Variants in CCDC138 observed in about 807,000 individuals in gnomAD.
The protein encoded by CCDC138 is coiled-coil domain containing 138, also known as coiled-coil domain-containing protein 138.
Under a neutral mutation model 82.3 loss-of-function variants are expected in CCDC138, and 66 were observed. The ratio of observed to expected loss-of-function variants is 0.80; its 90% CI spans 0.66 to 0.98. The LOEUF is 0.98. CCDC138 is among the 50% of genes least tolerant of loss of function. CCDC138 has a pLI of 0.00. For synonymous variants in CCDC138, 297 were observed against 265.4 expected (o/e 1.12, Z -1.16); for missense variants, 816 against 758.9 (o/e 1.08, Z -0.88).
intron 5 of CCDC138, among the ~76,000 whole-genome samples, chr2:108,796,097 G>A (rs1280529116): frequency 1.3e-5 from 2 of 152,128 alleles, no homozygotes; most frequent in African/African-American, 4.8e-5. Context: ...TGCCCAGGCT[G>A]GAGTGCAGTG....
intron 1 of CCDC138, among the ~76,000 whole-genome samples, chr2:108,787,615 A>G (rs570538939): frequency 2.0e-5 from 3 of 152,352 alleles, no homozygotes; most frequent in Non-Finnish European, 2.9e-5. Flanking sequence ...TTCCTAGTGC[A>G]GATCCGACCC....
intron 4 of CCDC138, among the ~76,000 whole-genome samples, chr2:108,793,194 A>G (rs902500010): frequency 2.5e-5 from 2 of 79,992 alleles, no homozygotes; most frequent in Non-Finnish European, 5.2e-5. Context: ...TGTCTCTACT[A>G]AAAAAAAAAA....
Position 108,788,955 on chromosome 2 carries a change from A to C in CCDC138, c.255A>C (p.Val85=). ...RTPLGSLFKH[V]NVNCLDDELD... is the part of the protein sequence containing the mutation. ...CATTGGGCAGCTTATTCAAGCACGT[A>C]AATGTGAATTGGTAAAGTACCCTGA... Residue 85 remains valine (V), a synonymous_variant, in exon 3 of 15, where the codon GTA becomes GTC. Transcript: ENST00000295124. The C allele has an allele frequency of 1.2e-6, 2 of 1,614,038 alleles. No individual in the cohort carries two copies. Among genetic ancestry groups the C allele is most frequent in the Non-Finnish European group, 1.7e-6 (2 of 1,179,958 alleles).
At chr2:108,851,298 G>A (rs1352649190) in intron 12 of CCDC138, among the ~76,000 whole-genome samples, 4 of 151,934 alleles carry the variant, frequency 2.6e-5, no homozygotes, top group African/African-American at 4.8e-5. Flanking sequence ...TTTGTTTTTT[G>A]TTGTTTGTTT....
chr2:108,793,524 G>A (rs994720957), intron 4 of CCDC138, among the ~76,000 whole-genome samples: 2 of 152,132 alleles, frequency 1.3e-5, no homozygotes, highest in Non-Finnish European at 2.9e-5. Flanking sequence ...TAGTAAAGTT[G>A]AATCTGCACA....
intron 6 of CCDC138, among the ~76,000 whole-genome samples, chr2:108,799,354 A>G (rs1012331121): frequency 3.9e-5 from 6 of 152,180 alleles, no homozygotes; most frequent in South Asian, 2.1e-4. Context: ...GTACATTTCT[A>G]TGAGTTTTGA....
At chr2:108,829,396 C>T (rs1439436095) in intron 10 of CCDC138, among the ~76,000 whole-genome samples, 1 of 152,180 alleles carries the variant, frequency 6.6e-6, no homozygotes, top group Non-Finnish European at 1.5e-5. Context: ...CTTAACATCA[C>T]TACTCTCTAA....
chr2:108,824,074 G>T (rs1267244592), intron 10 of CCDC138, among the ~76,000 whole-genome samples: 1 of 152,136 alleles, frequency 6.6e-6, no homozygotes, highest in African/African-American at 2.4e-5. Context: ...GAGTCAGTGA[G>T]TGAGTAGTGA....
At chr2:108,815,461 GTTTTTTT>G (rs35206784) in intron 9 of CCDC138, among the ~76,000 whole-genome samples, 3 of 70,700 alleles carry the variant, frequency 4.2e-5, no homozygotes, top group Non-Finnish European at 7.5e-5. Context: ...GGTTTTTGGT[GTTTTTTT>G]TTTTTTTTTT....
intron 10 of CCDC138, among the ~76,000 whole-genome samples, chr2:108,821,731 G>A (rs187573880): frequency 2.0e-5 from 3 of 151,950 alleles, no homozygotes; most frequent in Admixed American, 2.0e-4. Flanking sequence ...GATTATCTGA[G>A]GTCAGAAGTT....
At chr2:108,852,625 G>A (rs1186975662) in intron 12 of CCDC138, among the ~76,000 whole-genome samples, 3 of 152,266 alleles carry the variant, frequency 2.0e-5, no homozygotes, top group Non-Finnish European at 4.4e-5. Flanking sequence ...CTTGGAGGCC[G>A]TTATCCTTAA....
chr2:108,791,513 TA>T, intron 3 of CCDC138, 161 bp from the exon 4 acceptor site: 1 of 760,122 alleles, frequency 1.3e-6, no homozygotes, highest in Non-Finnish European at 2.3e-6. Flanking sequence ...CAGTGACTGT[TA>T]GTTTTTACGT....
Position 108,876,088 on chromosome 2 carries a change from G to T in CCDC138, c.1833G>T (p.Lys611Asn). The T allele has an allele frequency of 6.4e-7, 1 of 1,570,096 alleles. No homozygotes were observed. The highest frequency in any genetic ancestry group is 8.7e-7 in the Non-Finnish European group (1 of 1,144,192). Residue 611 changes from lysine to asparagine, a missense_variant and splice_region_variant, in exon 15 of 15, where the codon AAG (lysine) becomes AAT (asparagine). Lys to Asn is a moderately conservative substitution (Grantham distance 94). Coordinates refer to ENST00000295124, the MANE Select transcript of CCDC138 (RefSeq NM_144978.3). ...AATAATGTATTCATTTTTTTTACAGGAGTAATAAGAAGCTCTTTGAACTTT... is the reference window on the plus strand; with the variant it reads ...AATAATGTATTCATTTTTTTTACAGTAGTAATAAGAAGCTCTTTGAACTTT... ...SIILQKLSKI[K>N]SNKKLFELFT...
chr2:108,869,540 G>A (rs1232902285), intron 13 of CCDC138, among the ~76,000 whole-genome samples: 2 of 152,184 alleles, frequency 1.3e-5, no homozygotes, highest in African/African-American at 4.8e-5. Flanking sequence ...CATAGCACAT[G>A]AAAACTGCAG....
chr2:108,847,623 T>C (rs1690714080), intron 12 of CCDC138, among the ~76,000 whole-genome samples: 1 of 152,252 alleles, frequency 6.6e-6, no homozygotes, highest in African/African-American at 2.4e-5. Flanking sequence ...GGTTATATTA[T>C]TAAATGTGAT....
intron 14 of CCDC138, 27 bp from the exon 15 acceptor site, chr2:108,876,061 T>TA (rs1280542109): frequency 4.8e-6 from 7 of 1,446,598 alleles, no homozygotes; most frequent in Non-Finnish European, 5.8e-6. Context: ...TATGTGTAAT[T>TA]AAATAATGTA....
chr2:108,862,485 TGTG>T (rs1213351331), intron 13 of CCDC138, among the ~76,000 whole-genome samples: 25 of 152,304 alleles, frequency 1.6e-4, no homozygotes, highest in African/African-American at 6.0e-4. Flanking sequence ...ACCTGTATAA[TGTG>T]GTGATTACAG....
intron 13 of CCDC138, among the ~76,000 whole-genome samples, chr2:108,861,965 C>T (rs757452692): frequency 2.6e-5 from 4 of 151,932 alleles, no homozygotes; most frequent in African/African-American, 4.8e-5. Flanking sequence ...AAAAGTCATT[C>T]GGGAGTAAAT....
At chr2:108,806,311 C>T (rs1682874973) in intron 7 of CCDC138, among the ~76,000 whole-genome samples, 1 of 152,180 alleles carries the variant, frequency 6.6e-6, no homozygotes, top group Non-Finnish European at 1.5e-5. Context: ...AACTGTTGCC[C>T]ATACCTATCT....
Sources: gnomAD v4.1 joint callset for allele counts (sites outside exome capture counted in the v4.1 genomes callset) on GRCh38, gnomAD v4.1.1 for gene constraint, MANE v1.5 for transcripts, NCBI Gene and HGNC (gene_info 2026-07-23, HGNC 2026-07-21) for gene names.